ATP6V1H: variants seen among roughly 807,000 people sequenced by gnomAD.
ATP6V1H encodes V-type proton ATPase subunit H.
ATP6V1H carries 39 observed loss-of-function variants against 71.7 expected under a neutral mutation model. That is an observed-to-expected ratio of 0.54 (90% CI 0.42 to 0.71). ATP6V1H has a LOEUF of 0.71. Ranked by LOEUF, ATP6V1H falls within the 30% of genes least tolerant of loss-of-function variation. The probability of loss-of-function intolerance (pLI) is 0.00; values close to 1 mark genes in which losing one functional copy is unlikely to be tolerated. For synonymous variants in ATP6V1H, 192 were observed against 199.3 expected, an observed-to-expected ratio of 0.96 and a Z score of 0.31; for missense variants, 509 against 594.9, an observed-to-expected ratio of 0.86 and a Z score of 1.50.
intron 9 of ATP6V1H, among the ~76,000 whole-genome samples, chr8:53,784,196 A>C (rs202114572): frequency 2.6e-5 from 4 of 152,178 alleles, no homozygotes; most frequent in Non-Finnish European, 4.4e-5. Context: ...GTAGGTCACT[A>C]AGGACTTGCT....
At chr8:53,794,554 C>T (rs182451506) in intron 9 of ATP6V1H, among the ~76,000 whole-genome samples, 345 of 152,132 alleles carry the variant, frequency 2.3e-3, no homozygotes, top group African/African-American at 7.6e-3. Flanking sequence ...TTAGTAGGGA[C>T]GGGGTTTCAC....
intron 7 of ATP6V1H, among the ~76,000 whole-genome samples, 161 bp downstream of exon 7, chr8:53,811,003 A>G (rs1585813316): frequency 6.6e-6 from 1 of 152,318 alleles, no homozygotes; most frequent in East Asian, 1.9e-4. Flanking sequence ...ATCTCCACAG[A>G]CCATCAATAT....
At position 53,762,797 on chromosome 8, in the gene ATP6V1H, G is replaced by A. The variant is rs139508502; in HGVS notation, c.1176-6141C>T. Among the ~76,000 whole-genome samples, 333 of 152,234 alleles carry A rather than the reference G, an allele frequency of 2.2e-3. 2 individuals carry two copies. The highest frequency in any genetic ancestry group is 7.8e-3 in the African/African-American group (322 of 41,548). On this transcript the variant is annotated intron_variant, in intron 11 of 13. Coordinates refer to ENST00000359530, the MANE Select transcript of ATP6V1H (RefSeq NM_015941.4). ...ATCTTGTACAGTTGACCATTGAACA[G>A]CACAAATCTGAACTGCACAGGTCCA...
chr8:53,795,895 T>C, intron 8 of ATP6V1H, 56 bp from the exon 9 acceptor site: 1 of 1,482,180 alleles, frequency 6.7e-7, no homozygotes, highest in Non-Finnish European at 9.1e-7. Context: ...AAAGAAGAAA[T>C]AAGCAATTAT....
In ATP6V1H at chr8:53,795,629, C is replaced by A; in HGVS notation, c.870+18G>T. 6.2e-7 allele frequency: 1 copy of A among 1,609,076 alleles called. No individual in the cohort carries two copies. Among genetic ancestry groups the A allele is most frequent in the Non-Finnish European group, 8.5e-7 (1 of 1,178,376 alleles). Reference sequence around the variant, plus strand: ...GAAAAATGCCTCACATACACACAAACCAACATAAAACACTTACACGAAATG... The same window carrying A: ...GAAAAATGCCTCACATACACACAAAACAACATAAAACACTTACACGAAATG... On this transcript the variant is annotated intron_variant, in intron 9 of 13. Coordinates refer to ENST00000359530, the MANE Select transcript of ATP6V1H (RefSeq NM_015941.4).
intron 10 of ATP6V1H, among the ~76,000 whole-genome samples, chr8:53,771,197 C>T (rs912234473): frequency 3.9e-5 from 6 of 152,174 alleles, no homozygotes; most frequent in African/African-American, 1.2e-4. Flanking sequence ...TTGTGCAAGG[C>T]CACACAGGGA....
intron 8 of ATP6V1H, among the ~76,000 whole-genome samples, chr8:53,799,031 T>G (rs1440051772): frequency 6.6e-6 from 1 of 152,188 alleles, no homozygotes; most frequent in Non-Finnish European, 1.5e-5. Context: ...TTATAACTAT[T>G]TGTAGAGATT....
intron 13 of ATP6V1H, among the ~76,000 whole-genome samples, chr8:53,739,157 A>C (rs1381428819): frequency 6.6e-6 from 1 of 152,034 alleles, no homozygotes; most frequent in East Asian, 1.9e-4. Context: ...ATTCTAATTT[A>C]GAAATTAGAA....
chr8:53,820,666 C>CAAAAA (rs111738763), intron 4 of ATP6V1H, among the ~76,000 whole-genome samples: 2 of 73,674 alleles, frequency 2.7e-5, no homozygotes, highest in Non-Finnish European at 5.6e-5. Flanking sequence ...GATTTTATCT[C>CAAAAA]AAAAAAAAAA....
At chr8:53,777,620 G>C (rs1419981137) in intron 9 of ATP6V1H, among the ~76,000 whole-genome samples, 1 of 152,162 alleles carries the variant, frequency 6.6e-6, no homozygotes, top group African/African-American at 2.4e-5. Context: ...GCAGGGATTG[G>C]CTAACATTTT....
intron 9 of ATP6V1H, among the ~76,000 whole-genome samples, chr8:53,775,707 CAG>C: frequency 6.6e-6 from 1 of 152,192 alleles, no homozygotes; most frequent in East Asian, 1.9e-4. Flanking sequence ...CAGCTAGATA[CAG>C]AGTGTCGATT....
At chr8:53,831,132 G>A (rs140746073) in intron 3 of ATP6V1H, among the ~76,000 whole-genome samples, 85 of 152,278 alleles carry the variant, frequency 5.6e-4, no homozygotes, top group African/African-American at 1.9e-3. Context: ...CCATAGAAAA[G>A]TAAATAAAAA....
chr8:53,830,534 T>A (rs962260056), intron 3 of ATP6V1H, among the ~76,000 whole-genome samples: 3 of 152,072 alleles, frequency 2.0e-5, no homozygotes, highest in African/African-American at 7.2e-5. Flanking sequence ...GTGGAAACAC[T>A]TTAACCTATT....
At chr8:53,766,348 A>C (rs968518877) in intron 11 of ATP6V1H, among the ~76,000 whole-genome samples, 4 of 152,242 alleles carry the variant, frequency 2.6e-5, no homozygotes, top group African/African-American at 9.6e-5. Flanking sequence ...GCCTGTCTTT[A>C]ATTTAATCTC....
chr8:53,792,690 A>T (rs1809604985), intron 9 of ATP6V1H, among the ~76,000 whole-genome samples: 3 of 152,226 alleles, frequency 2.0e-5, no homozygotes. Flanking sequence ...CTTTTCACTT[A>T]CTGGGGAATT....
intron 13 of ATP6V1H, among the ~76,000 whole-genome samples, chr8:53,737,757 A>G (rs1363925896): frequency 1.3e-5 from 2 of 152,270 alleles, no homozygotes; most frequent in Non-Finnish European, 2.9e-5. Context: ...AGATTTAAAA[A>G]TGTAACTGCT....
chr8:53,817,094 T>G (rs187292268), intron 5 of ATP6V1H, among the ~76,000 whole-genome samples: 1 of 152,274 alleles, frequency 6.6e-6, no homozygotes, highest in Admixed American at 6.5e-5. Flanking sequence ...TAGTTACTCC[T>G]ATGGGAACGG....
intron 8 of ATP6V1H, among the ~76,000 whole-genome samples, chr8:53,798,081 C>A (rs947051427): frequency 6.6e-6 from 1 of 152,050 alleles, no homozygotes; most frequent in African/African-American, 2.4e-5. Flanking sequence ...TCTTGTGAGG[C>A]TAACAATATA....
chr8:53,737,249 G>A lies in ATP6V1H; in HGVS notation c.1391+6328C>T, dbSNP rs149366693. ...CTATGACAGTGCACTGAAATTGTGT[G>A]CTACGCCTTTATTTTCTACTTTGTA... On this transcript the variant is annotated intron_variant, in intron 13 of 13. Transcript: ENST00000359530. 2.3e-3 allele frequency among the ~76,000 whole-genome samples: 345 copies of A among 152,268 alleles called. 2 individuals carry two copies. Among genetic ancestry groups the A allele is most frequent in the African/African-American group, 8.0e-3 (334 of 41,554 alleles).
Sources: allele counts gnomAD v4.1 joint callset (sites outside exome capture counted in the v4.1 genomes callset), GRCh38; gene constraint gnomAD v4.1.1; transcripts MANE v1.5; gene names NCBI Gene and HGNC (gene_info 2026-07-23, HGNC 2026-07-21).